INPP4B: variants seen among roughly 807,000 people sequenced by gnomAD.
INPP4B encodes inositol polyphosphate 4-phosphatase type II.
Under a neutral mutation model 122.5 loss-of-function variants are expected in INPP4B, and 55 were observed. The ratio of observed to expected loss-of-function variants is 0.45; its 90% CI spans 0.36 to 0.56. INPP4B has a LOEUF of 0.56. Among genes scored for constraint, INPP4B ranks in the 20% least tolerant of loss-of-function variants. The probability of loss-of-function intolerance (pLI) is 0.00; values close to 1 mark genes in which losing one functional copy is unlikely to be tolerated. For missense variants in INPP4B, 1,000 were observed against 1,097.7 expected (o/e 0.91, Z 1.26); for synonymous variants, 403 against 388.7 (o/e 1.04, Z -0.43).
At chr4:142,759,760 C>T (rs893728025) in intron 1 of INPP4B, among the ~76,000 whole-genome samples, 44 of 141,004 alleles carry the variant, frequency 3.1e-4, no homozygotes, top group African/African-American at 1.1e-3. Context: ...GTGATGTGTC[C>T]GAGATCACAA....
intron 12 of INPP4B, among the ~76,000 whole-genome samples, chr4:142,221,319 G>A (rs1372778404): frequency 7.3e-6 from 1 of 137,724 alleles, no homozygotes; most frequent in African/African-American, 2.7e-5. Context: ...AGAATGGTGT[G>A]AACCCGGGAG....
intron 12 of INPP4B, among the ~76,000 whole-genome samples, chr4:142,214,401 A>G (rs1461061905): frequency 1.3e-5 from 2 of 152,102 alleles, no homozygotes; most frequent in Non-Finnish European, 2.9e-5. Flanking sequence ...ATCTTCTGAG[A>G]TGTCCTTCTT....
chr4:142,096,465 T>C (rs1439207076), intron 23 of INPP4B, among the ~76,000 whole-genome samples: 1 of 152,184 alleles, frequency 6.6e-6, no homozygotes, highest in African/African-American at 2.4e-5. Flanking sequence ...TCTACCTTTG[T>C]TGCTTGTACT....
intron 2 of INPP4B, among the ~76,000 whole-genome samples, chr4:142,701,498 C>T (rs975591711): frequency 2.1e-4 from 31 of 145,136 alleles, no homozygotes; most frequent in African/African-American, 6.7e-4. Flanking sequence ...CAAGCAGCAC[C>T]GAGCAGCCAA....
At chr4:142,398,404 ATATATATAT>A (rs1562011021) in intron 7 of INPP4B, among the ~76,000 whole-genome samples, 254 of 10,628 alleles carry the variant, frequency 0.024, 6 homozygotes, top group Non-Finnish European at 0.039. Context: ...AAAAAAAAAT[ATATATATAT>A]ATATATATAT....
intron 2 of INPP4B, among the ~76,000 whole-genome samples, chr4:142,602,414 A>G (rs943582446): frequency 1.3e-5 from 2 of 152,202 alleles, no homozygotes; most frequent in African/African-American, 4.8e-5. Flanking sequence ...AAAATAATTT[A>G]TGGATTCAAT....
chr4:142,126,780 A>G (rs1371637279), intron 18 of INPP4B, among the ~76,000 whole-genome samples: 1 of 148,316 alleles, frequency 6.7e-6, no homozygotes, highest in Admixed American at 6.7e-5. Context: ...GGTACACTGA[A>G]CTTTTTTTTC....
chr4:142,366,580 T>C (rs975407045), intron 7 of INPP4B, among the ~76,000 whole-genome samples: 122 of 152,150 alleles, frequency 8.0e-4, no homozygotes, highest in African/African-American at 2.8e-3. Context: ...CAATAATCTA[T>C]GTGCAGCTTA....
rs1485515032 is a variant in INPP4B, at chr4:142,025,271, G to C, written c.*3511C>G. On this transcript the variant is annotated 3_prime_UTR_variant, in exon 26 of 26. Transcript: ENST00000262992. ...TGCAGTCAGGAAGAGACCCACAGTA[G>C]CACAATATTGTATCCTGTTTTCACT... 6.6e-6 allele frequency: 1 copy of C among 152,090 alleles called. No homozygotes were observed. Among genetic ancestry groups the C allele is most frequent in the Non-Finnish European group, 1.5e-5 (1 of 68,010 alleles). The allele number at this position is 152,090 out of a possible 1,614,324, so 9.4% of individuals were successfully genotyped here. A position where few individuals can be genotyped will look rare whatever the true frequency, so the allele number is the denominator to read the frequency against.
At chr4:142,738,323 G>T (rs1767325601) in intron 1 of INPP4B, among the ~76,000 whole-genome samples, 4 of 152,086 alleles carry the variant, frequency 2.6e-5, no homozygotes, top group Admixed American at 2.6e-4. Flanking sequence ...CATGCATGAA[G>T]CTGGAAACCA....
chr4:142,205,910 A>G (rs1842410506), intron 14 of INPP4B, among the ~76,000 whole-genome samples: 1 of 152,106 alleles, frequency 6.6e-6, no homozygotes, highest in African/African-American at 2.4e-5. Flanking sequence ...ATTGACAGAC[A>G]CTCAGTAATC....
In INPP4B at chr4:142,683,309, A is replaced by G. The variant is rs191025856; in HGVS notation, c.-191+42530T>C. On this transcript the variant is annotated intron_variant, in intron 2 of 25. Transcript: ENST00000262992. Reference sequence around the variant, plus strand: ...AAACAGGAATTTTTGTAACAGTGGAACAAAACAAAGTACTAAAGAGAGTGA... The same window carrying G: ...AAACAGGAATTTTTGTAACAGTGGAGCAAAACAAAGTACTAAAGAGAGTGA... 5.3e-5 allele frequency among the ~76,000 whole-genome samples: 8 copies of G among 152,064 alleles called. No individual in the cohort carries two copies. The East Asian group carries it at 1.6e-3, about 30-fold the overall frequency.
intron 10 of INPP4B, among the ~76,000 whole-genome samples, chr4:142,262,595 T>C (rs1242649825): frequency 6.6e-6 from 1 of 152,112 alleles, no homozygotes; most frequent in Middle Eastern, 3.2e-3. Context: ...AATAATATAT[T>C]ACCTGTTATT....
At chr4:142,454,353 C>T (rs902575275) in intron 3 of INPP4B, among the ~76,000 whole-genome samples, 1 of 152,102 alleles carries the variant, frequency 6.6e-6, no homozygotes, top group Non-Finnish European at 1.5e-5. Context: ...CAACATAAAA[C>T]TCATTTCTGC....
chr4:142,337,716 AATATATATT>A (rs1777200234), intron 7 of INPP4B, among the ~76,000 whole-genome samples: 3 of 109,634 alleles, frequency 2.7e-5, no homozygotes, highest in Admixed American at 2.2e-4. Context: ...TATTATATAT[AATATATATT>A]TTATATATAT....
chr4:142,492,951 C>A (rs1336533404), intron 2 of INPP4B, among the ~76,000 whole-genome samples: 1 of 152,202 alleles, frequency 6.6e-6, no homozygotes, highest in Admixed American at 6.5e-5. Flanking sequence ...AAAATGGTTT[C>A]TTGGGCTAGT....
chr4:142,485,490 T>C (rs1821093504), intron 2 of INPP4B, among the ~76,000 whole-genome samples: 2 of 152,152 alleles, frequency 1.3e-5, no homozygotes, highest in African/African-American at 4.8e-5. Flanking sequence ...AATGTAGTTT[T>C]GATAGTTCAG....
At chr4:142,679,581 C>A (rs563246490) in intron 2 of INPP4B, among the ~76,000 whole-genome samples, 5 of 151,552 alleles carry the variant, frequency 3.3e-5, no homozygotes, top group Non-Finnish European at 7.4e-5. Context: ...TGAGAAGTGC[C>A]AATTAAAATA....
intron 23 of INPP4B, among the ~76,000 whole-genome samples, chr4:142,104,718 C>A (rs1786126103): frequency 6.6e-6 from 1 of 152,050 alleles, no homozygotes; most frequent in Admixed American, 6.6e-5. Flanking sequence ...CCAGAAGATA[C>A]CAAAATCACA....
Sources: allele counts gnomAD v4.1 joint callset (sites outside exome capture counted in the v4.1 genomes callset), GRCh38; gene constraint gnomAD v4.1.1; transcripts MANE v1.5; gene names NCBI Gene and HGNC (gene_info 2026-07-23, HGNC 2026-07-21).